CYRIB: variants seen among roughly 807,000 people sequenced by gnomAD.
CYRIB encodes CYFIP related Rac1 interactor B, also known as CYFIP-related Rac1 interactor B.
Under a neutral mutation model 44.2 loss-of-function variants are expected in CYRIB, and 8 were observed. The ratio of observed to expected loss-of-function variants is 0.18; its 90% CI spans 0.11 to 0.33. CYRIB has a LOEUF of 0.33. CYRIB is among the 10% of genes least tolerant of loss of function. CYRIB has a pLI of 1.00. For missense variants in CYRIB, 185 were observed against 382.8 expected (o/e 0.48, Z 4.31); for synonymous variants, 131 against 127.2 (o/e 1.03, Z -0.20).
At chr8:129,840,780 G>A (rs539191773) in exon 12 of CYRIB, 3 of 152,356 alleles carry the variant, frequency 2.0e-5, no homozygotes, top group African/African-American at 4.8e-5. Context: ...GGTGTGAAGT[G>A]GGGGAGCAGT....
exon 12 of CYRIB, chr8:129,839,814 T>C (rs2035449656): frequency 6.6e-6 from 1 of 152,094 alleles, no homozygotes; most frequent in Non-Finnish European, 1.5e-5. Flanking sequence ...ACATGCAGAG[T>C]GTGAACTGTG....
chr8:129,945,176 T>C (rs1330725365), intron 2 of CYRIB, among the ~76,000 whole-genome samples: 2 of 152,246 alleles, frequency 1.3e-5, no homozygotes, highest in Non-Finnish European at 2.9e-5. Flanking sequence ...GAAAAGAACC[T>C]GTCATCCATG....
Position 129,854,244 on chromosome 8 carries a change from CT to C in CYRIB, c.516+21del, listed in dbSNP as rs1431930817. ...GCACTAAGTTACTCTTACCATCCCC[CT>C]AATTCAAAGCATTAACTTACCGGTA... On this transcript the variant is annotated intron_variant, in intron 7 of 11. Transcript: ENST00000519824. 7 of 1,555,932 alleles carry C rather than the reference CT, an allele frequency of 4.5e-6. No homozygotes were observed. In the Admixed American group the frequency reaches 1.0e-4, roughly 23 times the overall value.
chr8:129,930,067 C>A (rs1196644692), intron 1 of CYRIB, among the ~76,000 whole-genome samples: 3 of 151,560 alleles, frequency 2.0e-5, no homozygotes, highest in Non-Finnish European at 4.4e-5. Context: ...AAAAATTCGC[C>A]GGGCGTGGTG....
chr8:129,926,755 T>G (rs1040560618), intron 1 of CYRIB, among the ~76,000 whole-genome samples: 1 of 152,210 alleles, frequency 6.6e-6, no homozygotes, highest in Non-Finnish European at 1.5e-5. Context: ...TTTATTAGCA[T>G]GATAAAACTA....
intron 1 of CYRIB, among the ~76,000 whole-genome samples, chr8:129,975,159 G>A (rs892498178): frequency 1.3e-5 from 2 of 152,060 alleles, no homozygotes; most frequent in African/African-American, 2.4e-5. Flanking sequence ...GATTACAGGC[G>A]TGAGCCACTG....
At chr8:129,919,721 GATTT>G (rs1181390622) in intron 1 of CYRIB, among the ~76,000 whole-genome samples, 1 of 152,078 alleles carries the variant, frequency 6.6e-6, no homozygotes, top group Non-Finnish European at 1.5e-5. Context: ...TTAATTTTAA[GATTT>G]ATGTTAGCAT....
chr8:130,008,739 T>C (rs541864936), intron 1 of CYRIB, among the ~76,000 whole-genome samples: 1 of 152,392 alleles, frequency 6.6e-6, no homozygotes, highest in Admixed American at 6.5e-5. Flanking sequence ...GCAAGCCTGT[T>C]TGATCTGTCT....
intron 1 of CYRIB, among the ~76,000 whole-genome samples, chr8:129,908,210 A>C (rs2076393880): frequency 6.6e-6 from 1 of 152,212 alleles, no homozygotes; most frequent in Non-Finnish European, 1.5e-5. Flanking sequence ...AAGATGAATC[A>C]ATCATGTAAA....
intron 1 of CYRIB, among the ~76,000 whole-genome samples, chr8:129,922,601 C>T (rs1173650352): frequency 3.3e-5 from 5 of 152,118 alleles, no homozygotes; most frequent in South Asian, 2.1e-4. Context: ...CGGTGGCTCA[C>T]GCCTGTAATC....
At chr8:129,991,452 G>A (rs2096631567) in intron 1 of CYRIB, among the ~76,000 whole-genome samples, 1 of 152,078 alleles carries the variant, frequency 6.6e-6, no homozygotes, top group Non-Finnish European at 1.5e-5. Flanking sequence ...TGAGTTAATG[G>A]ATTAATGGGT....
At chr8:129,952,599 T>C (rs943642665) in intron 2 of CYRIB, among the ~76,000 whole-genome samples, 1 of 152,052 alleles carries the variant, frequency 6.6e-6, no homozygotes, top group Non-Finnish European at 1.5e-5. Context: ...ATTTTGTTTG[T>C]CCAAAAAGAT....
At chr8:129,967,634 C>A (rs1034687808) in intron 2 of CYRIB, among the ~76,000 whole-genome samples, 2 of 152,196 alleles carry the variant, frequency 1.3e-5, no homozygotes, top group African/African-American at 4.8e-5. Flanking sequence ...CTGCCTCAGC[C>A]TCCCAAAGTG....
At chr8:129,987,858 C>T (rs2096520975) in intron 1 of CYRIB, among the ~76,000 whole-genome samples, 1 of 152,164 alleles carries the variant, frequency 6.6e-6, no homozygotes, top group African/African-American at 2.4e-5. Flanking sequence ...AGTCGTGAGC[C>T]ATCGCGCCCG....
At chr8:129,890,282 A>G (rs965529521) in intron 2 of CYRIB, among the ~76,000 whole-genome samples, 1 of 152,118 alleles carries the variant, frequency 6.6e-6, no homozygotes, top group Non-Finnish European at 1.5e-5. Context: ...GATGTGGCAA[A>G]CTTCATTTTT....
intron 11 of CYRIB, among the ~76,000 whole-genome samples, chr8:129,844,667 A>T (rs2038741687): frequency 6.6e-6 from 1 of 152,180 alleles, no homozygotes; most frequent in African/African-American, 2.4e-5. Flanking sequence ...TATATAAATA[A>T]TTACTACAGG....
intron 2 of CYRIB, among the ~76,000 whole-genome samples, chr8:129,956,800 T>A (rs2094865282): frequency 6.6e-6 from 1 of 151,228 alleles, no homozygotes; most frequent in South Asian, 2.1e-4. Flanking sequence ...TATTTTTCCT[T>A]CCTTCCTTCC....
chr8:129,962,129 C>T (rs1032890151), intron 2 of CYRIB, among the ~76,000 whole-genome samples: 2 of 151,892 alleles, frequency 1.3e-5, no homozygotes, highest in African/African-American at 2.4e-5. Context: ...TGCCTGTGGT[C>T]CCAGCTACTC....
intron 11 of CYRIB, among the ~76,000 whole-genome samples, chr8:129,845,659 C>T (rs904472728): frequency 5.3e-5 from 8 of 151,912 alleles, no homozygotes; most frequent in South Asian, 2.1e-4. Context: ...TTGACAGTTC[C>T]GCTTAGCTGA....
Sources: gnomAD v4.1 joint callset for allele counts (sites outside exome capture counted in the v4.1 genomes callset) on GRCh38, gnomAD v4.1.1 for gene constraint, MANE v1.5 for transcripts, NCBI Gene and HGNC (gene_info 2026-07-23, HGNC 2026-07-21) for gene names.